CCSER1: variants seen among roughly 807,000 people sequenced by gnomAD.
CCSER1 encodes coiled-coil serine rich protein 1.
A neutral mutation model predicts 82.0 loss-of-function variants in CCSER1; 41 were observed. That is an observed-to-expected ratio of 0.50 (90% CI 0.39 to 0.65). CCSER1 has a LOEUF of 0.65. CCSER1 is among the 30% of genes least tolerant of loss of function. The pLI is 0.00. For synonymous variants in CCSER1, 414 were observed against 383.9 expected, an observed-to-expected ratio of 1.08 and a Z score of -0.92; for missense variants, 1,119 against 1,064.2, an observed-to-expected ratio of 1.05 and a Z score of -0.72.
chr4:90,273,875 G>C (rs1219565951), intron 1 of CCSER1, among the ~76,000 whole-genome samples: 1 of 152,084 alleles, frequency 6.6e-6, no homozygotes, highest in Non-Finnish European at 1.5e-5. Context: ...CTTTCAAGTG[G>C]TTACGTCTTG....
intron 8 of CCSER1, among the ~76,000 whole-genome samples, chr4:90,852,544 C>T (rs2149938716): frequency 6.6e-6 from 1 of 152,326 alleles, no homozygotes; most frequent in Non-Finnish European, 1.5e-5. Context: ...AAGCTGCTCA[C>T]ATTGCAGGAG....
chr4:90,969,157 C>T (rs1734844841), intron 9 of CCSER1, among the ~76,000 whole-genome samples: 1 of 151,446 alleles, frequency 6.6e-6, no homozygotes. Flanking sequence ...CCAGTGAGAT[C>T]TATGGGACAC....
At chr4:91,070,264 A>G (rs1721292964) in intron 9 of CCSER1, among the ~76,000 whole-genome samples, 2 of 152,192 alleles carry the variant, frequency 1.3e-5, no homozygotes, top group African/African-American at 4.8e-5. Flanking sequence ...GATTACAGGC[A>G]TGAGTTCCCA....
chr4:91,047,601 G>A (rs1205494144), intron 9 of CCSER1, among the ~76,000 whole-genome samples: 1 of 152,078 alleles, frequency 6.6e-6, no homozygotes, highest in Non-Finnish European at 1.5e-5. Flanking sequence ...TGATTCTACT[G>A]CTGCTCCTTT....
intron 5 of CCSER1, among the ~76,000 whole-genome samples, chr4:90,546,527 G>A (rs1009801910): frequency 2.0e-5 from 3 of 152,094 alleles, no homozygotes; most frequent in South Asian, 4.1e-4. Flanking sequence ...GTTTGACTAT[G>A]CATTAGTATG....
At chr4:91,220,304 C>T (rs872669) in intron 10 of CCSER1, among the ~76,000 whole-genome samples, 2 of 152,006 alleles carry the variant, frequency 1.3e-5, no homozygotes, top group African/African-American at 4.8e-5. Context: ...AATGTATGCT[C>T]GTTTCTTGCA....
At chr4:90,417,174 C>A (rs1328065826) in intron 4 of CCSER1, among the ~76,000 whole-genome samples, 3 of 152,038 alleles carry the variant, frequency 2.0e-5, no homozygotes, top group Admixed American at 6.6e-5. Context: ...ATGTAACAAA[C>A]CTGCACCTTC....
intron 10 of CCSER1, among the ~76,000 whole-genome samples, chr4:91,378,768 C>T (rs1750638410): frequency 6.6e-6 from 1 of 152,140 alleles, no homozygotes; most frequent in South Asian, 2.1e-4. Context: ...ATTGCCCTGG[C>T]CAGAACTTCC....
At chr4:90,847,468 G>T (rs576043055) in intron 8 of CCSER1, among the ~76,000 whole-genome samples, 1 of 152,192 alleles carries the variant, frequency 6.6e-6, no homozygotes, top group South Asian at 2.1e-4. Context: ...ATGAAGTCCA[G>T]AACTTTTATG....
chr4:90,957,907 C>G (rs1393555335), intron 9 of CCSER1, among the ~76,000 whole-genome samples: 3 of 151,422 alleles, frequency 2.0e-5, no homozygotes, highest in African/African-American at 7.3e-5. Flanking sequence ...AAATAACATC[C>G]TAATTCAAAC....
chr4:91,272,444 T>C (rs1409694977), intron 10 of CCSER1, among the ~76,000 whole-genome samples: 2 of 152,172 alleles, frequency 1.3e-5, no homozygotes, highest in African/African-American at 4.8e-5. Flanking sequence ...TTTGATGGAA[T>C]TGGTTTTTTT....
intron 10 of CCSER1, among the ~76,000 whole-genome samples, chr4:91,405,679 G>A (rs879350291): frequency 6.6e-6 from 1 of 152,194 alleles, no homozygotes; most frequent in Non-Finnish European, 1.5e-5. Context: ...TCCAATCTAA[G>A]CACAGGATAT....
intron 10 of CCSER1, among the ~76,000 whole-genome samples, chr4:91,438,442 C>A (rs980890767): frequency 6.6e-6 from 1 of 152,068 alleles, no homozygotes; most frequent in Admixed American, 6.6e-5. Context: ...AGAAGGAAAA[C>A]TAACAAACAG....
rs527643479 is a variant in CCSER1, at chr4:90,827,730, G to A, written c.2094+11885G>A. Among the ~76,000 whole-genome samples the A allele has an allele frequency of 9.2e-5, 14 of 152,186 alleles. No homozygotes were observed. The South Asian group carries it at 2.9e-3, about 32-fold the overall frequency. On this transcript the variant is annotated intron_variant, in intron 8 of 10. Coordinates refer to ENST00000509176, the MANE Select transcript of CCSER1 (RefSeq NM_001145065.2). ...CATCTTATCTAAAAGCTGTGTAGGG[G>A]AGGGAAGAATTTTCTTTTGCCCTCT...
intron 1 of CCSER1, among the ~76,000 whole-genome samples, chr4:90,266,975 G>A (rs1725352789): frequency 1.3e-5 from 2 of 151,792 alleles, no homozygotes; most frequent in African/African-American, 4.8e-5. Flanking sequence ...GAATAAAGGG[G>A]ACTTTGTTTT....
At chr4:90,378,228 A>G (rs1353731870) in intron 3 of CCSER1, among the ~76,000 whole-genome samples, 2 of 152,180 alleles carry the variant, frequency 1.3e-5, no homozygotes, top group Non-Finnish European at 2.9e-5. Flanking sequence ...TTTAGCTCTG[A>G]TAGAACTAAA....
intron 1 of CCSER1, among the ~76,000 whole-genome samples, chr4:90,189,877 G>A (rs1407809502): frequency 6.6e-6 from 1 of 151,940 alleles, no homozygotes. Context: ...TATAGTATGA[G>A]TTTTGTTGTT....
At chr4:90,336,977 A>G (rs1332125243) in intron 3 of CCSER1, among the ~76,000 whole-genome samples, 1 of 152,242 alleles carries the variant, frequency 6.6e-6, no homozygotes, top group South Asian at 2.1e-4. Flanking sequence ...TTTACAAAAC[A>G]TTACAAACTG....
In CCSER1 at chr4:90,569,963, G is replaced by C. The variant is rs114243535; in HGVS notation, c.1725-58062G>C. Among the ~76,000 whole-genome samples, 480 of 152,280 alleles carry C rather than the reference G, an allele frequency of 3.2e-3. 2 individuals are homozygous for C. Among genetic ancestry groups the C allele is most frequent in the Non-Finnish European group, 5.2e-3 (355 of 68,020 alleles). ...TGGCTTGGAGGCAGTTTGCCCCTCAGAATAGCCAGTGCAATAACTGAGGGG... is the reference window on the plus strand; with the variant it reads ...TGGCTTGGAGGCAGTTTGCCCCTCACAATAGCCAGTGCAATAACTGAGGGG... On this transcript the variant is annotated intron_variant, in intron 5 of 10. Transcript: ENST00000509176.
Sources: gnomAD v4.1 joint callset for allele counts (sites outside exome capture counted in the v4.1 genomes callset) on GRCh38, gnomAD v4.1.1 for gene constraint, MANE v1.5 for transcripts, NCBI Gene and HGNC (gene_info 2026-07-23, HGNC 2026-07-21) for gene names.